The following VPS13A variants were observed in gnomAD, a reference collection of about 807,000 sequenced individuals.
VPS13A encodes the protein intermembrane lipid transfer protein VPS13A.
A neutral mutation model predicts 390.9 loss-of-function variants in VPS13A; 264 were observed. That is an observed-to-expected ratio of 0.68 (90% CI 0.61 to 0.75). VPS13A has a LOEUF of 0.75. Among genes scored for constraint, VPS13A ranks in the 30% least tolerant of loss-of-function variants. The pLI, the probability that VPS13A is intolerant of heterozygous loss-of-function variation, is 0.00. For missense variants in VPS13A, 3,409 were observed against 3,733.9 expected, an observed-to-expected ratio of 0.91 and a Z score of 2.27; for synonymous variants, 1,231 against 1,227.1, an observed-to-expected ratio of 1.00 and a Z score of -0.07.
intron 1 of VPS13A, among the ~76,000 whole-genome samples, chr9:77,180,506 A>G (rs1057222511): frequency 6.6e-6 from 1 of 152,230 alleles, no homozygotes; most frequent in South Asian, 2.1e-4. Flanking sequence ...TTCATATCTA[A>G]GAAATCTTTT....
chr9:77,299,931 G>A (rs1183022550), intron 33 of VPS13A, among the ~76,000 whole-genome samples: 1 of 152,038 alleles, frequency 6.6e-6, no homozygotes, highest in African/African-American at 2.4e-5. Context: ...CTGTTGGGGT[G>A]GGAGGCAAGG....
At chr9:77,382,710 A>T (rs1350338868) in intron 68 of VPS13A, 2 of 988,240 alleles carry the variant, frequency 2.0e-6, no homozygotes, top group South Asian at 9.4e-5. Context: ...AAAATGCTTA[A>T]ATGGCCATGA....
At chr9:77,227,346 A>G (rs116915082) in intron 15 of VPS13A, 45 bp from the exon 16 acceptor site, 64 of 1,346,898 alleles carry the variant, frequency 4.8e-5, no homozygotes, top group Non-Finnish European at 7.4e-6. Context: ...TGTTAATTTT[A>G]TTGTTTTTAT....
rs774378336 is a variant in VPS13A, at chr9:77,345,051, A to G, written c.7198A>G (p.Thr2400Ala). The part of the protein sequence containing the change: ...IAEVNLAEHS[T>A]VITFLDYHDG... ...AGAAGTGAATTTGGCCGAGCATTCTACAGTTATTACATTTTTAGATTATCA... is the reference window on the plus strand; with the variant it reads ...AGAAGTGAATTTGGCCGAGCATTCTGCAGTTATTACATTTTTAGATTATCA... The change falls in exon 52 of 72, where the codon ACA (threonine) becomes GCA (alanine). Residue 2400 changes from threonine to alanine, a missense_variant. This residue lies in a region of VPS13A where 2,717 missense variants were observed against 2,917.4 expected (regional missense o/e 0.93). Transcript: ENST00000360280. The G allele has an allele frequency of 1.2e-6, 2 of 1,613,102 alleles. No individual in the cohort carries two copies. The highest frequency in any genetic ancestry group is 1.7e-6 in the Non-Finnish European group (2 of 1,179,820).
intron 56 of VPS13A, 132 bp downstream of exon 56, chr9:77,357,970 T>G: frequency 1.1e-6 from 1 of 927,078 alleles, no homozygotes; most frequent in Non-Finnish European, 1.6e-6. Flanking sequence ...TTTTTTTTTT[T>G]TTTGAGACAG....
At chr9:77,181,515 CAAAA>C (rs1161800764) in intron 1 of VPS13A, among the ~76,000 whole-genome samples, 7 of 80,282 alleles carry the variant, frequency 8.7e-5, no homozygotes, top group South Asian at 4.6e-4. Context: ...GACCCTGCCT[CAAAA>C]AAAAAAAAAA....
Position 77,416,145 on chromosome 9 carries a change from A to C in VPS13A, c.*139A>C. ...GGATGCTAAAAAACAAAAACAAACA[A>C]AAAAACAAAAACAAAAAAACAAAAC... On this transcript the variant is annotated 3_prime_UTR_variant, in exon 72 of 72. Coordinates refer to ENST00000360280, the MANE Select transcript of VPS13A (RefSeq NM_033305.3). 1 of 1,050,220 alleles carries C rather than the reference A, an allele frequency of 9.5e-7. No homozygotes were observed. Among genetic ancestry groups the C allele is most frequent in the Non-Finnish European group, 1.4e-6 (1 of 706,754 alleles). The allele number at this position is 1,050,220 out of a possible 1,614,324, so 65.1% of individuals were successfully genotyped here. A position where few individuals can be genotyped will look rare whatever the true frequency, so the allele number is the denominator to read the frequency against.
chr9:77,190,116 C>T (rs1461209466), intron 1 of VPS13A, among the ~76,000 whole-genome samples: 1 of 152,110 alleles, frequency 6.6e-6, no homozygotes, highest in East Asian at 1.9e-4. Flanking sequence ...ATTGCTCTGG[C>T]TAAGACTTCC....
rs767284968 is a variant in VPS13A, at chr9:77,366,862, G to A, written c.8461G>A (p.Val2821Ile). ...TGCCACACTGACAGATGTACAAGAT[G>A]TAGTTTTTAAGTATGTTTAGTATTC... The part of the protein sequence containing the change: ...IGATLTDVQD[V>I]VFKLAFFELN... Residue 2821 changes from valine (V) to isoleucine (I), a missense_variant, in exon 61 of 72, where the codon GTA (valine) becomes ATA (isoleucine). Physicochemically the swap from Val to Ile is conservative, Grantham distance 29. This residue lies in a region of VPS13A where 123 missense variants were observed against 118.7 expected (regional missense o/e 1.04). Coordinates refer to ENST00000360280, the MANE Select transcript of VPS13A (RefSeq NM_033305.3). 1.2e-6 allele frequency: 2 copies of A among 1,612,644 alleles called. No individual in the cohort carries two copies. The highest frequency in any genetic ancestry group is 1.1e-5 in the South Asian group (1 of 90,806).
intron 1 of VPS13A, among the ~76,000 whole-genome samples, chr9:77,180,417 T>A (rs1281145171): frequency 3.9e-5 from 6 of 152,242 alleles, no homozygotes; most frequent in Non-Finnish European, 4.4e-5. Flanking sequence ...CCATTTTGTC[T>A]TTTGCAGAGC....
At chr9:77,413,237 A>G (rs967651868) in intron 71 of VPS13A, among the ~76,000 whole-genome samples, 1 of 152,062 alleles carries the variant, frequency 6.6e-6, no homozygotes, top group East Asian at 1.9e-4. Flanking sequence ...CAGAATTGGA[A>G]AAAACTAAAG....
chr9:77,245,820 A>G (rs1305154088), intron 19 of VPS13A, among the ~76,000 whole-genome samples: 2 of 152,202 alleles, frequency 1.3e-5, no homozygotes, highest in Non-Finnish European at 2.9e-5. Flanking sequence ...TTTGTGAAGA[A>G]AAGAGGTTTA....
At chr9:77,283,329 T>C in intron 29 of VPS13A, 26 bp from the exon 30 acceptor site, 1 of 1,364,838 alleles carries the variant, frequency 7.3e-7, no homozygotes, top group Non-Finnish European at 1.0e-6. Flanking sequence ...TTCCTCATGT[T>C]TTATAATATG....
At chr9:77,332,852 G>C (rs1392483799) in intron 46 of VPS13A, among the ~76,000 whole-genome samples, 2 of 152,118 alleles carry the variant, frequency 1.3e-5, no homozygotes, top group Admixed American at 1.3e-4. Flanking sequence ...TGCTACAGAA[G>C]GACAGAGGCA....
chr9:77,302,882 A>C (rs1485965602), intron 33 of VPS13A, 33 bp from the exon 34 acceptor site: 18 of 1,598,520 alleles, frequency 1.1e-5, no homozygotes, highest in Non-Finnish European at 1.5e-5. Flanking sequence ...ATGTATATGA[A>C]ACAATTTAAA....
chr9:77,199,712 AG>A (rs1376703014), intron 1 of VPS13A, among the ~76,000 whole-genome samples: 1 of 152,220 alleles, frequency 6.6e-6, no homozygotes, highest in African/African-American at 2.4e-5. Context: ...ATTAACATTG[AG>A]CTACAATTGC....
chr9:77,267,928 C>T (rs7030142), intron 23 of VPS13A, among the ~76,000 whole-genome samples: 2,156 of 152,302 alleles, frequency 0.014, 50 homozygotes, highest in African/African-American at 0.049. Flanking sequence ...CAGTGGGCTC[C>T]GCCCAATTTG....
intron 32 of VPS13A, 135 bp from the exon 33 acceptor site, chr9:77,295,407 A>G: frequency 1.4e-6 from 1 of 720,784 alleles, no homozygotes; most frequent in Middle Eastern, 4.3e-4. Flanking sequence ...AGACAGTAAG[A>G]TTTTGAATAA....
At chr9:77,213,210 A>G (rs1244908398) in intron 8 of VPS13A, 24 bp from the exon 9 acceptor site, 36 of 1,602,274 alleles carry the variant, frequency 2.2e-5, no homozygotes, top group Middle Eastern at 3.3e-4. Flanking sequence ...AGAAAATGAG[A>G]CATCTAATAA....
Sources: allele counts gnomAD v4.1 joint callset (sites outside exome capture counted in the v4.1 genomes callset), GRCh38; gene constraint gnomAD v4.1.1; regional missense constraint gnomAD v4.1.1; transcripts MANE v1.5; gene names NCBI Gene and HGNC (gene_info 2026-07-23, HGNC 2026-07-21).